The following KLHL1 variants were observed in gnomAD, a reference collection of about 807,000 sequenced individuals.
The protein encoded by KLHL1 is kelch like family member 1.
KLHL1 carries 47 observed loss-of-function variants against 77.7 expected under a neutral mutation model. That is an observed-to-expected ratio of 0.60 (90% CI 0.48 to 0.77). The LOEUF (loss-of-function observed/expected upper bound fraction) is 0.77, where lower values mean the gene tolerates loss of function less well. Ranked by LOEUF, KLHL1 falls within the 30% of genes least tolerant of loss-of-function variation. KLHL1 has a pLI of 0.00. For missense variants in KLHL1, 925 were observed against 910.8 expected (o/e 1.02, Z -0.20); for synonymous variants, 360 against 325.2 (o/e 1.11, Z -1.15).
At chr13:70,074,269 T>G (rs1280463698) in intron 1 of KLHL1, among the ~76,000 whole-genome samples, 1 of 152,142 alleles carries the variant, frequency 6.6e-6, no homozygotes, top group Non-Finnish European at 1.5e-5. Flanking sequence ...GTAGAAGTAC[T>G]ACCATCTCTC....
rs77165599 is a variant in KLHL1 at position 69,994,392 on chromosome 13, T to C, written c.498-18590A>G. ...TCCTCCAATGAGGAAACCTGCCTAC[T>C]CTTGAAGCTAATCTCTTCAAAACCC... On this transcript the variant is annotated intron_variant, in intron 1 of 10. Coordinates refer to ENST00000377844, the MANE Select transcript of KLHL1 (RefSeq NM_020866.3). Among the ~76,000 whole-genome samples, 500 of 152,222 alleles carry C rather than the reference T, an allele frequency of 3.3e-3. 3 individuals carry two copies. The highest frequency in any genetic ancestry group is 0.011 in the African/African-American group (474 of 41,562).
chr13:69,919,069 T>C (rs1882540537), intron 4 of KLHL1, among the ~76,000 whole-genome samples: 1 of 151,992 alleles, frequency 6.6e-6, no homozygotes, highest in African/African-American at 2.4e-5. Flanking sequence ...GAAGAAGTGG[T>C]CTACCTTGTC....
At chr13:70,033,521 A>T (rs1281380449) in intron 1 of KLHL1, among the ~76,000 whole-genome samples, 1 of 142,010 alleles carries the variant, frequency 7.0e-6, no homozygotes, top group Non-Finnish European at 1.5e-5. Context: ...GTTAGCCAGG[A>T]TGGTCTCAAT....
intron 6 of KLHL1, among the ~76,000 whole-genome samples, chr13:69,833,402 T>C (rs1229033313): frequency 6.6e-6 from 1 of 151,288 alleles, no homozygotes; most frequent in African/African-American, 2.4e-5. Context: ...AAAACCACAA[T>C]GAATACCAGT....
intron 4 of KLHL1, among the ~76,000 whole-genome samples, chr13:69,934,338 T>A (rs1295951785): frequency 6.6e-6 from 1 of 152,118 alleles, no homozygotes; most frequent in Non-Finnish European, 1.5e-5. Context: ...ATATATCACA[T>A]CTTATATTAC....
intron 7 of KLHL1, among the ~76,000 whole-genome samples, chr13:69,789,325 ATAAAT>A (rs1289622087): frequency 6.7e-6 from 1 of 150,306 alleles, no homozygotes; most frequent in Non-Finnish European, 1.5e-5. Flanking sequence ...GTCTTATTTA[ATAAAT>A]TAAAAATATA....
rs562008813 is a variant in KLHL1 at position 70,070,196 on chromosome 13, T to C, written c.497+37007A>G. Among the ~76,000 whole-genome samples, 3 of 151,300 alleles carry C rather than the reference T, an allele frequency of 2.0e-5. No individual in the cohort carries two copies. In the East Asian group the frequency reaches 5.8e-4, roughly 29 times the overall value. On this transcript the variant is annotated intron_variant, in intron 1 of 10. Transcript: ENST00000377844. ...GAAGAAATAATTATAGTAATAATTA[T>C]TGCGAATTTTCTAAAGTTAATGGCA...
chr13:70,021,430 G>A (rs1000201226), intron 1 of KLHL1, among the ~76,000 whole-genome samples: 3 of 151,924 alleles, frequency 2.0e-5, no homozygotes, highest in African/African-American at 7.2e-5. Flanking sequence ...CATTTTCATA[G>A]CTTCCAGGTT....
chr13:69,946,794 A>T (rs1340710098), intron 3 of KLHL1, among the ~76,000 whole-genome samples: 1 of 152,162 alleles, frequency 6.6e-6, no homozygotes, highest in East Asian at 1.9e-4. Flanking sequence ...ATTTACAGGC[A>T]TGAGCTACCA....
intron 6 of KLHL1, among the ~76,000 whole-genome samples, chr13:69,807,926 C>A (rs1277978324): frequency 5.3e-5 from 8 of 152,100 alleles, no homozygotes; most frequent in African/African-American, 1.9e-4. Flanking sequence ...ACTTGGGGGA[C>A]AGTGCTCCTT....
intron 7 of KLHL1, among the ~76,000 whole-genome samples, chr13:69,786,393 C>G (rs1352655546): frequency 6.6e-6 from 1 of 152,076 alleles, no homozygotes; most frequent in Admixed American, 6.5e-5. Flanking sequence ...TAAACGGAAC[C>G]AAAGACAAAA....
At chr13:70,069,000 C>T (rs931359559) in intron 1 of KLHL1, among the ~76,000 whole-genome samples, 1 of 152,198 alleles carries the variant, frequency 6.6e-6, no homozygotes, top group Non-Finnish European at 1.5e-5. Flanking sequence ...TAGGAGCACT[C>T]TGTTCTCCTT....
At chr13:69,996,057 C>T (rs1885142729) in intron 1 of KLHL1, among the ~76,000 whole-genome samples, 1 of 152,142 alleles carries the variant, frequency 6.6e-6, no homozygotes, top group Non-Finnish European at 1.5e-5. Flanking sequence ...GTAATCCCAG[C>T]ACTTTGGGAG....
intron 3 of KLHL1, among the ~76,000 whole-genome samples, chr13:69,960,908 T>G (rs2137269714): frequency 6.6e-6 from 1 of 152,136 alleles, no homozygotes; most frequent in African/African-American, 2.4e-5. Flanking sequence ...CGTGAAAATT[T>G]TTACGTTAAA....
At chr13:69,941,310 T>C (rs1382971783) in intron 3 of KLHL1, among the ~76,000 whole-genome samples, 2 of 151,942 alleles carry the variant, frequency 1.3e-5, no homozygotes, top group African/African-American at 4.8e-5. Context: ...CTCAAAACTA[T>C]ACAAATGCAT....
intron 7 of KLHL1, among the ~76,000 whole-genome samples, chr13:69,794,888 A>G (rs1041181776): frequency 1.3e-5 from 2 of 152,194 alleles, no homozygotes; most frequent in African/African-American, 4.8e-5. Flanking sequence ...ATAAAATAAA[A>G]CTTAATAATA....
chr13:70,068,632 G>A (rs912710778), intron 1 of KLHL1, among the ~76,000 whole-genome samples: 6 of 152,136 alleles, frequency 3.9e-5, no homozygotes, highest in Non-Finnish European at 7.4e-5. Context: ...TTTTGTGAGT[G>A]GAAATAGAGC....
chr13:70,056,018 A>C (rs1886736029), intron 1 of KLHL1, among the ~76,000 whole-genome samples: 1 of 152,080 alleles, frequency 6.6e-6, no homozygotes, highest in Admixed American at 6.6e-5. Context: ...CAATCAAAAG[A>C]CATGCTGTGG....
intron 6 of KLHL1, among the ~76,000 whole-genome samples, chr13:69,797,182 C>T (rs188117577): frequency 6.6e-6 from 1 of 152,244 alleles, no homozygotes; most frequent in Admixed American, 6.5e-5. Flanking sequence ...TCACCTTGTT[C>T]GAATTACATA....
Sources: gnomAD v4.1 joint callset for allele counts (sites outside exome capture counted in the v4.1 genomes callset) on GRCh38, gnomAD v4.1.1 for gene constraint, MANE v1.5 for transcripts, NCBI Gene and HGNC (gene_info 2026-07-23, HGNC 2026-07-21) for gene names.